Variants in ARHGAP24 observed in about 807,000 individuals in gnomAD.
ARHGAP24 encodes the protein rho GTPase-activating protein 24.
Under a neutral mutation model 76.4 loss-of-function variants are expected in ARHGAP24, and 50 were observed. That is an observed-to-expected ratio of 0.65 (90% CI 0.52 to 0.83). The LOEUF (loss-of-function observed/expected upper bound fraction) is 0.83, where lower values mean the gene tolerates loss of function less well. Ranked by LOEUF, ARHGAP24 falls within the 40% of genes least tolerant of loss-of-function variation. The pLI, the probability that ARHGAP24 is intolerant of heterozygous loss-of-function variation, is 0.00. For synonymous variants in ARHGAP24, 345 were observed against 323.3 expected (o/e 1.07, Z -0.72); for missense variants, 930 against 914.2 (o/e 1.02, Z -0.22).
At chr4:85,531,457 A>T (rs1203901859) in intron 1 of ARHGAP24, among the ~76,000 whole-genome samples, 1 of 152,028 alleles carries the variant, frequency 6.6e-6, no homozygotes, top group Non-Finnish European at 1.5e-5. Flanking sequence ...CTACTCACAA[A>T]TGACTTTCTA....
At chr4:85,627,133 G>C (rs1720986150) in intron 2 of ARHGAP24, among the ~76,000 whole-genome samples, 1 of 152,148 alleles carries the variant, frequency 6.6e-6, no homozygotes, top group South Asian at 2.1e-4. Flanking sequence ...CATTCCTTTG[G>C]AGGAGGAGAG....
chr4:85,561,684 C>T (rs147292160), intron 1 of ARHGAP24, among the ~76,000 whole-genome samples: 1 of 151,918 alleles, frequency 6.6e-6, no homozygotes, highest in Non-Finnish European at 1.5e-5. Context: ...ATTTTTTTAC[C>T]ATTTTATAGT....
intron 3 of ARHGAP24, among the ~76,000 whole-genome samples, chr4:85,906,740 C>T (rs1734786578): frequency 6.6e-6 from 1 of 151,870 alleles, no homozygotes; most frequent in Non-Finnish European, 1.5e-5. Context: ...TAAGTTTGGG[C>T]AGTGTAGTTA....
At chr4:85,570,383 T>A in intron 1 of ARHGAP24, 139 bp from the exon 2 acceptor site, 1 of 16,550 alleles carries the variant, frequency 6.0e-5, no homozygotes, top group East Asian at 4.2e-3. Context: ...TCTTTCTTTC[T>A]TTCTTTCTTT....
At chr4:85,667,122 A>C (rs1722655677) in intron 2 of ARHGAP24, among the ~76,000 whole-genome samples, 1 of 152,214 alleles carries the variant, frequency 6.6e-6, no homozygotes, top group African/African-American at 2.4e-5. Context: ...AGAGGCAGGC[A>C]GGCCTCCTTG....
intron 3 of ARHGAP24, among the ~76,000 whole-genome samples, chr4:85,880,921 C>T (rs546221762): frequency 2.6e-5 from 4 of 152,210 alleles, no homozygotes; most frequent in Non-Finnish European, 5.9e-5. Context: ...CTCATTCTTA[C>T]TGTAGATGTT....
intron 3 of ARHGAP24, among the ~76,000 whole-genome samples, chr4:85,767,416 C>A (rs1165172089): frequency 6.6e-6 from 1 of 152,092 alleles, no homozygotes; most frequent in Non-Finnish European, 1.5e-5. Flanking sequence ...CATACATACA[C>A]CTCACACATT....
chr4:85,690,758 G>GC (rs138231639), intron 2 of ARHGAP24, among the ~76,000 whole-genome samples: 1 of 130,758 alleles, frequency 7.6e-6, no homozygotes, highest in African/African-American at 2.8e-5. Context: ...TGTCAATCTT[G>GC]TTTTTTTTTT....
rs148105089 is a variant in ARHGAP24, at chr4:85,693,287, C to T, written c.181-28598C>T. Among the ~76,000 whole-genome samples, 147 of 152,282 alleles carry T rather than the reference C, an allele frequency of 9.7e-4. 1 individual carries two copies. The highest frequency in any genetic ancestry group is 3.3e-3 in the African/African-American group (137 of 41,554). ...CCTCCAATCACTGGCACTGCATCAA[C>T]ATTTCTTTTGTTAGGTGTTCTGGGA... On this transcript the variant is annotated intron_variant, in intron 2 of 9. Transcript: ENST00000395184.
rs558786932 is a variant in ARHGAP24 at position 85,681,768 on chromosome 4, G to T, written c.181-40117G>T. On this transcript the variant is annotated intron_variant, in intron 2 of 9. Transcript: ENST00000395184. ...GGAGAAAATTGAGCTGTCTAAGCTG[G>T]ACAGAAGTCATGCCTTTTACTTAGC... Among the ~76,000 whole-genome samples, 27 of 152,324 alleles carry T rather than the reference G, an allele frequency of 1.8e-4. 1 individual carries two copies. Among genetic ancestry groups the T allele is most frequent in the African/African-American group, 6.5e-4 (27 of 41,576 alleles).
intron 3 of ARHGAP24, among the ~76,000 whole-genome samples, chr4:85,911,514 T>TA (rs1159187893): frequency 3.9e-5 from 6 of 152,276 alleles, no homozygotes; most frequent in East Asian, 3.8e-4. Flanking sequence ...CAATTTCATG[T>TA]AAAAAATGGG....
chr4:85,987,725 T>G (rs1309667118), intron 8 of ARHGAP24, among the ~76,000 whole-genome samples: 2 of 151,830 alleles, frequency 1.3e-5, no homozygotes, highest in African/African-American at 2.4e-5. Flanking sequence ...AAGAATAAAT[T>G]CAGACTTATA....
intron 3 of ARHGAP24, among the ~76,000 whole-genome samples, chr4:85,915,727 A>G (rs1735348429): frequency 6.6e-6 from 1 of 152,180 alleles, no homozygotes; most frequent in Admixed American, 6.5e-5. Flanking sequence ...AGCTTCATCT[A>G]GGTCCCTGCA....
At chr4:85,628,643 A>G (rs531879483) in intron 2 of ARHGAP24, among the ~76,000 whole-genome samples, 1 of 152,200 alleles carries the variant, frequency 6.6e-6, no homozygotes, top group Admixed American at 6.5e-5. Flanking sequence ...TTATCTCTTC[A>G]GTTCTCTTAC....
At chr4:85,675,580 A>C (rs1722952984) in intron 2 of ARHGAP24, among the ~76,000 whole-genome samples, 1 of 152,198 alleles carries the variant, frequency 6.6e-6, no homozygotes, top group African/African-American at 2.4e-5. Context: ...CGTAACATTT[A>C]AAGTTGGTGA....
chr4:85,889,731 C>A (rs1164053624), intron 3 of ARHGAP24, among the ~76,000 whole-genome samples: 2 of 152,172 alleles, frequency 1.3e-5, no homozygotes, highest in Non-Finnish European at 2.9e-5. Context: ...GAAATTCACA[C>A]AGCAACTGAA....
At chr4:85,867,009 A>C (rs910834795) in intron 3 of ARHGAP24, among the ~76,000 whole-genome samples, 12 of 152,290 alleles carry the variant, frequency 7.9e-5, no homozygotes, top group Non-Finnish European at 1.3e-4. Flanking sequence ...TATACACAGC[A>C]TATGAGTGGT....
intron 1 of ARHGAP24, among the ~76,000 whole-genome samples, chr4:85,528,667 A>G (rs1404203739): frequency 6.6e-6 from 1 of 152,056 alleles, no homozygotes; most frequent in African/African-American, 2.4e-5. Context: ...AGCTCTTAAC[A>G]AACTATGTGT....
Position 85,518,259 on chromosome 4 carries a change from T to A in ARHGAP24, c.-21+42700T>A, listed in dbSNP as rs548314132. Among the ~76,000 whole-genome samples, 7 of 152,308 alleles carry A rather than the reference T, an allele frequency of 4.6e-5. No individual in the cohort carries two copies. The South Asian group carries it at 1.5e-3, about 32-fold the overall frequency. ...TTGGTGCTTAGAGGCAGAAAATCTTTAGCTAACTAGGAAAATTGACTATGA... is the reference window on the plus strand; with the variant it reads ...TTGGTGCTTAGAGGCAGAAAATCTTAAGCTAACTAGGAAAATTGACTATGA... On this transcript the variant is annotated intron_variant, in intron 1 of 9. Transcript: ENST00000395184.
Sources: allele counts gnomAD v4.1 joint callset (sites outside exome capture counted in the v4.1 genomes callset), GRCh38; gene constraint gnomAD v4.1.1; transcripts MANE v1.5; gene names NCBI Gene and HGNC (gene_info 2026-07-23, HGNC 2026-07-21).